The following DLGAP1 variants were observed in gnomAD, a reference collection of about 807,000 sequenced individuals.
DLGAP1 encodes the protein disks large-associated protein 1.
A neutral mutation model predicts 90.8 loss-of-function variants in DLGAP1; 11 were observed. The ratio of observed to expected loss-of-function variants is 0.12; its 90% CI spans 0.08 to 0.20. The LOEUF is 0.20. DLGAP1 is among the 10% of genes least tolerant of loss of function. The probability of loss-of-function intolerance (pLI) is 1.00; values close to 1 mark genes in which losing one functional copy is unlikely to be tolerated. For synonymous variants in DLGAP1, 558 were observed against 540.7 expected (o/e 1.03, Z -0.44); for missense variants, 1,050 against 1,333.8 (o/e 0.79, Z 3.31).
intron 7 of DLGAP1, among the ~76,000 whole-genome samples, chr18:3,625,823 C>G (rs2058273358): frequency 6.6e-6 from 1 of 152,212 alleles, no homozygotes; most frequent in Admixed American, 6.5e-5. Context: ...TCTGGCATGT[C>G]ACAAATTCCT....
At chr18:4,251,378 G>C (rs940564391) in intron 1 of DLGAP1, among the ~76,000 whole-genome samples, 5 of 152,210 alleles carry the variant, frequency 3.3e-5, no homozygotes, top group African/African-American at 1.2e-4. Context: ...GAGGAGGTCA[G>C]TGAGTTGCGG....
chr18:3,634,969 C>T (rs2058645015), intron 7 of DLGAP1, among the ~76,000 whole-genome samples: 1 of 152,108 alleles, frequency 6.6e-6, no homozygotes, highest in South Asian at 2.1e-4. Flanking sequence ...GAGACATTTT[C>T]CCTGGCTCCT....
intron 1 of DLGAP1, among the ~76,000 whole-genome samples, chr18:4,153,752 A>C (rs1250929835): frequency 6.6e-6 from 1 of 152,128 alleles, no homozygotes; most frequent in East Asian, 1.9e-4. Flanking sequence ...CTTTTTCTAG[A>C]ATCAGCTACT....
intron 1 of DLGAP1, chr18:4,295,133 G>T (rs1289929234): frequency 6.6e-6 from 1 of 152,208 alleles, no homozygotes; most frequent in Admixed American, 6.6e-5. Context: ...TAGAGGGTGG[G>T]GCTTTTGCTG....
chr18:4,340,044 C>T (rs2081155707), intron 1 of DLGAP1, among the ~76,000 whole-genome samples: 1 of 152,140 alleles, frequency 6.6e-6, no homozygotes. Context: ...TGCCTGAAAC[C>T]ACATATAGTA....
rs141822065 is a variant in DLGAP1 at position 4,368,219 on chromosome 18, G to A, written c.-267+86787C>T. 6.0e-3 allele frequency among the ~76,000 whole-genome samples: 915 copies of A among 152,166 alleles called. 3 individuals carry two copies. The highest frequency in any genetic ancestry group is 0.02 in the Middle Eastern group (6 of 294). On this transcript the variant is annotated intron_variant, in intron 1 of 12. Coordinates refer to ENST00000315677, the MANE Select transcript of DLGAP1 (RefSeq NM_004746.4). ...AACAAGTCTATACTGTCTAACTGCC[G>A]CAATATTATCTCCCACTTTAGCCAA... is the stretch of plus-strand genomic sequence containing the variant.
intron 1 of DLGAP1, among the ~76,000 whole-genome samples, chr18:4,194,808 C>A (rs1237651084): frequency 1.3e-5 from 2 of 152,072 alleles, no homozygotes; most frequent in Non-Finnish European, 2.9e-5. Flanking sequence ...AGTAACAAAT[C>A]ATAACTGTAT....
Position 4,227,241 on chromosome 18 carries a change from C to T in DLGAP1, c.-266-75954G>A, listed in dbSNP as rs76939614. Among the ~76,000 whole-genome samples the T allele has an allele frequency of 1.8e-3, 268 of 152,038 alleles. 1 individual carries two copies. The highest frequency in any genetic ancestry group is 6.2e-3 in the African/African-American group (258 of 41,514). On this transcript the variant is annotated intron_variant, in intron 1 of 12. Coordinates refer to ENST00000315677, the MANE Select transcript of DLGAP1 (RefSeq NM_004746.4). The stretch of plus-strand genomic sequence containing the variant: ...TAGACTTAAAGAGAGAGGTAGACCC[C>T]TATACATTAATAGAAGAAGACTTTA...
At chr18:3,841,123 C>G (rs919324814) in intron 4 of DLGAP1, among the ~76,000 whole-genome samples, 9 of 152,158 alleles carry the variant, frequency 5.9e-5, no homozygotes, top group African/African-American at 1.9e-4. Flanking sequence ...TGGAAGCCCC[C>G]CTAAGTAGTC....
intron 1 of DLGAP1, among the ~76,000 whole-genome samples, chr18:4,265,654 T>C (rs1161219561): frequency 2.5e-5 from 1 of 39,590 alleles, no homozygotes; most frequent in African/African-American, 2.5e-4. Flanking sequence ...CCTCCCTCCC[T>C]CCCTCCCTCC....
intron 2 of DLGAP1, among the ~76,000 whole-genome samples, chr18:4,098,645 T>C (rs1014571544): frequency 2.3e-4 from 35 of 151,898 alleles, no homozygotes; most frequent in African/African-American, 7.7e-4. Context: ...AAACCGCCAA[T>C]AGAAATATGG....
intron 1 of DLGAP1, among the ~76,000 whole-genome samples, chr18:4,198,811 T>C (rs2077552290): frequency 3.3e-5 from 5 of 152,230 alleles, no homozygotes; most frequent in Admixed American, 3.3e-4. Context: ...TTGGAGAATA[T>C]ATTTAAAATT....
intron 2 of DLGAP1, among the ~76,000 whole-genome samples, chr18:4,117,507 G>A (rs770813702): frequency 2.6e-5 from 4 of 152,136 alleles, no homozygotes; most frequent in African/African-American, 4.8e-5. Context: ...GTGCAGCCTC[G>A]TGTTTATATC....
chr18:4,058,579 C>A (rs990095571), intron 2 of DLGAP1, among the ~76,000 whole-genome samples: 36 of 152,132 alleles, frequency 2.4e-4, no homozygotes, highest in African/African-American at 8.5e-4. Context: ...TCTTTCTTTA[C>A]CATTTATGAG....
At chr18:3,867,777 T>A (rs1327327403) in intron 4 of DLGAP1, among the ~76,000 whole-genome samples, 1 of 152,102 alleles carries the variant, frequency 6.6e-6, no homozygotes, top group Non-Finnish European at 1.5e-5. Flanking sequence ...TAAAACTTGT[T>A]TTTTTTTATT....
chr18:3,913,652 A>G (rs1481946851), intron 3 of DLGAP1, among the ~76,000 whole-genome samples: 2 of 152,204 alleles, frequency 1.3e-5, no homozygotes, highest in Non-Finnish European at 2.9e-5. Flanking sequence ...ATCTCAGCTG[A>G]CGGAAGCAAA....
At chr18:3,755,786 A>C (rs2063696118) in intron 5 of DLGAP1, among the ~76,000 whole-genome samples, 1 of 152,200 alleles carries the variant, frequency 6.6e-6, no homozygotes, top group Non-Finnish European at 1.5e-5. Context: ...AAGGAAACCG[A>C]AGACCTCGAA....
chr18:3,981,577 C>T (rs2073730595), intron 3 of DLGAP1, among the ~76,000 whole-genome samples: 1 of 152,162 alleles, frequency 6.6e-6, no homozygotes, highest in Admixed American at 6.5e-5. Flanking sequence ...GCAGGTGATG[C>T]CCCAGAAGGC....
At chr18:4,267,731 C>T (rs939124629) in intron 1 of DLGAP1, among the ~76,000 whole-genome samples, 1 of 152,160 alleles carries the variant, frequency 6.6e-6, no homozygotes, top group Non-Finnish European at 1.5e-5. Flanking sequence ...AAGCTGTCAG[C>T]TGGGGCTGCA....
Sources: allele counts gnomAD v4.1 joint callset (sites outside exome capture counted in the v4.1 genomes callset), GRCh38; gene constraint gnomAD v4.1.1; transcripts MANE v1.5; gene names NCBI Gene and HGNC (gene_info 2026-07-23, HGNC 2026-07-21).